KLHL29: variants seen among roughly 807,000 people sequenced by gnomAD.
KLHL29 encodes kelch like family member 29.
Under a neutral mutation model 80.4 loss-of-function variants are expected in KLHL29, and 21 were observed. The observed-to-expected ratio is 0.26, with a 90% CI of 0.19 to 0.38. The LOEUF is 0.38. Among genes scored for constraint, KLHL29 ranks in the 10% least tolerant of loss-of-function variants. The pLI, the probability that KLHL29 is intolerant of heterozygous loss-of-function variation, is 1.00. For synonymous variants in KLHL29, 511 were observed against 526.8 expected, an observed-to-expected ratio of 0.97 and a Z score of 0.41; for missense variants, 867 against 1,223.9, an observed-to-expected ratio of 0.71 and a Z score of 4.35.
intron 2 of KLHL29, among the ~76,000 whole-genome samples, chr2:23,530,638 A>C (rs995812763): frequency 6.6e-6 from 1 of 152,196 alleles, no homozygotes; most frequent in African/African-American, 2.4e-5. Context: ...AATATTTTTC[A>C]ATGCAGTAAG....
chr2:23,702,025 G>GT (rs1478938986), intron 11 of KLHL29, among the ~76,000 whole-genome samples: 2 of 149,774 alleles, frequency 1.3e-5, no homozygotes, highest in African/African-American at 4.9e-5. Context: ...GTTTCTCCAT[G>GT]TTGGTGAGCC....
chr2:23,550,028 C>G (rs1005336893), intron 2 of KLHL29, among the ~76,000 whole-genome samples: 1 of 152,172 alleles, frequency 6.6e-6, no homozygotes, highest in African/African-American at 2.4e-5. Context: ...CCTGCCTGCT[C>G]CAGCCCAGCG....
intron 2 of KLHL29, among the ~76,000 whole-genome samples, chr2:23,551,825 G>T (rs1031933138): frequency 6.6e-6 from 1 of 152,104 alleles, no homozygotes; most frequent in Non-Finnish European, 1.5e-5. Context: ...TAGTCCCAGG[G>T]CAAGGCCCAA....
intron 2 of KLHL29, among the ~76,000 whole-genome samples, chr2:23,516,281 G>A (rs930158329): frequency 6.6e-6 from 1 of 152,202 alleles, no homozygotes; most frequent in Admixed American, 6.5e-5. Context: ...GGGCTGACCA[G>A]GAGCAACTAT....
At chr2:23,551,946 C>T (rs529319632) in intron 2 of KLHL29, among the ~76,000 whole-genome samples, 1 of 152,390 alleles carries the variant, frequency 6.6e-6, no homozygotes, top group Admixed American at 6.5e-5. Flanking sequence ...GCTTCACCCT[C>T]TTGCTTTTCC....
intron 2 of KLHL29, among the ~76,000 whole-genome samples, chr2:23,489,686 G>C (rs1324342478): frequency 6.6e-6 from 1 of 151,858 alleles, no homozygotes; most frequent in African/African-American, 2.4e-5. Context: ...TTCCTGCAGG[G>C]ACGGCACTAG....
intron 1 of KLHL29, among the ~76,000 whole-genome samples, chr2:23,461,737 G>A (rs1015724526): frequency 5.9e-5 from 9 of 151,698 alleles, no homozygotes; most frequent in Non-Finnish European, 1.2e-4. Context: ...GCAGGGGGGC[G>A]GGAAATAGAT....
At chr2:23,688,608 C>T (rs567385383) in intron 6 of KLHL29, among the ~76,000 whole-genome samples, 1 of 152,074 alleles carries the variant, frequency 6.6e-6, no homozygotes, top group Non-Finnish European at 1.5e-5. Flanking sequence ...CCCCCACGCC[C>T]AGAAGTAGGT....
chr2:23,614,857 G>A (rs545587715), intron 3 of KLHL29, among the ~76,000 whole-genome samples: 10 of 152,296 alleles, frequency 6.6e-5, no homozygotes, highest in South Asian at 2.1e-4. Context: ...AAAGCCATCC[G>A]GTGGTGGGAA....
At chr2:23,582,486 G>T (rs1188927480) in intron 3 of KLHL29, among the ~76,000 whole-genome samples, 1 of 152,208 alleles carries the variant, frequency 6.6e-6, no homozygotes, top group Non-Finnish European at 1.5e-5. Context: ...GGGTCCTGGT[G>T]TCAGGGGTCC....
At chr2:23,496,466 A>G (rs566973022) in intron 2 of KLHL29, among the ~76,000 whole-genome samples, 1 of 152,280 alleles carries the variant, frequency 6.6e-6, no homozygotes, top group South Asian at 2.1e-4. Context: ...GAAAGAGCAC[A>G]GCCCTGGTAC....
intron 1 of KLHL29, among the ~76,000 whole-genome samples, chr2:23,455,148 A>G (rs1664012839): frequency 6.6e-6 from 1 of 152,180 alleles, no homozygotes; most frequent in East Asian, 1.9e-4. Context: ...TCCTTCTGGT[A>G]GAGCTGTTGT....
intron 2 of KLHL29, among the ~76,000 whole-genome samples, chr2:23,551,939 T>C (rs1229056509): frequency 6.6e-6 from 1 of 152,274 alleles, no homozygotes; most frequent in African/African-American, 2.4e-5. Flanking sequence ...GCCCTGGGCT[T>C]CACCCTCTTG....
intron 5 of KLHL29, among the ~76,000 whole-genome samples, chr2:23,663,259 A>G (rs566967940): frequency 6.6e-6 from 1 of 152,366 alleles, no homozygotes; most frequent in African/African-American, 2.4e-5. Context: ...CAAGCAACCC[A>G]GAAGTGTGCT....
intron 1 of KLHL29, among the ~76,000 whole-genome samples, chr2:23,393,964 T>C (rs1198966233): frequency 6.6e-6 from 1 of 152,180 alleles, no homozygotes; most frequent in Non-Finnish European, 1.5e-5. Context: ...CTTCCTCTTC[T>C]TGAGGCTTCC....
At chr2:23,490,660 T>C (rs1450308476) in intron 2 of KLHL29, among the ~76,000 whole-genome samples, 1 of 152,220 alleles carries the variant, frequency 6.6e-6, no homozygotes, top group Non-Finnish European at 1.5e-5. Context: ...ATATCTTTCA[T>C]AAAAGATGAT....
At chr2:23,485,086 C>A (rs892907442) in intron 2 of KLHL29, among the ~76,000 whole-genome samples, 1 of 152,200 alleles carries the variant, frequency 6.6e-6, no homozygotes, top group African/African-American at 2.4e-5. Context: ...GCCCAAGGCT[C>A]ATTCCCACCC....
chr2:23,579,044 G>A lies in KLHL29; in HGVS notation c.285+16563G>A, dbSNP rs1027062555. ...CGTGCCCCCGCCAGTCCTGGACTCC[G>A]GCTCCCGTTCTGTTTGTTGGTGGTT... On this transcript the variant is annotated intron_variant, in intron 3 of 13. Coordinates refer to ENST00000486442, the MANE Select transcript of KLHL29 (RefSeq NM_052920.2). 3.3e-5 allele frequency among the ~76,000 whole-genome samples: 5 copies of A among 152,294 alleles called. No individual in the cohort carries two copies. The East Asian group carries it at 5.8e-4, about 18-fold the overall frequency.
intron 3 of KLHL29, among the ~76,000 whole-genome samples, chr2:23,632,687 A>G (rs915821055): frequency 6.6e-6 from 1 of 150,786 alleles, no homozygotes; most frequent in Non-Finnish European, 1.5e-5. Flanking sequence ...TTCTCAGAAG[A>G]GCCCTAGGAA....
Sources: allele counts gnomAD v4.1 joint callset (sites outside exome capture counted in the v4.1 genomes callset), GRCh38; gene constraint gnomAD v4.1.1; transcripts MANE v1.5; gene names NCBI Gene and HGNC (gene_info 2026-07-23, HGNC 2026-07-21).